TCF12: variants seen among roughly 807,000 people sequenced by gnomAD.
The protein encoded by TCF12 is transcription factor 12, also known as DNA-binding protein HTF4.
TCF12 carries 45 observed loss-of-function variants against 86.0 expected under a neutral mutation model. That is an observed-to-expected ratio of 0.52 (90% CI 0.41 to 0.67). TCF12 has a LOEUF of 0.67. Ranked by LOEUF, TCF12 falls within the 30% of genes least tolerant of loss-of-function variation. The pLI is 0.00. For missense variants in TCF12, 881 were observed against 859.9 expected, an observed-to-expected ratio of 1.02 and a Z score of -0.31; for synonymous variants, 330 against 299.6, an observed-to-expected ratio of 1.10 and a Z score of -1.05.
intron 13 of TCF12, among the ~76,000 whole-genome samples, chr15:57,248,798 G>GT (rs1304731992): frequency 1.3e-5 from 2 of 152,162 alleles, no homozygotes; most frequent in African/African-American, 2.4e-5. Context: ...CCTTTGTACA[G>GT]TTTTTTTAAT....
intron 4 of TCF12, among the ~76,000 whole-genome samples, chr15:57,075,448 G>A (rs1365049297): frequency 2.0e-5 from 3 of 152,052 alleles, no homozygotes; most frequent in Admixed American, 2.0e-4. Context: ...CCTTGTCACT[G>A]AAATTAGTTG....
intron 5 of TCF12, among the ~76,000 whole-genome samples, chr15:57,138,547 CG>C (rs56125441): frequency 0.51 from 11,721 of 22,982 alleles, 643 homozygotes; most frequent in Non-Finnish European, 0.53. Flanking sequence ...CCTATCTAAC[CG>C]AAAGGAAAAG....
At chr15:57,253,642 C>T (rs574845721) in intron 16 of TCF12, among the ~76,000 whole-genome samples, 174 bp downstream of exon 16, 1 of 152,294 alleles carries the variant, frequency 6.6e-6, no homozygotes, top group South Asian at 2.1e-4. Flanking sequence ...TCCATAAAAT[C>T]TTCTTGTGAC....
chr15:57,059,765 A>G (rs1278134829), intron 3 of TCF12, among the ~76,000 whole-genome samples: 1 of 149,782 alleles, frequency 6.7e-6, no homozygotes, highest in Non-Finnish European at 1.5e-5. Flanking sequence ...AGGGAAACAC[A>G]ATAGGTGCTT....
In TCF12 at chr15:56,919,883, C is replaced by G. The variant is rs200014796; in HGVS notation, c.-22-9C>G. The stretch of plus-strand genomic sequence containing the variant: ...TGGTCTCTCGCTGAGCCCGTTTCCT[C>G]TGCCCTAGGACCTGCTAGAAGTGGC... On this transcript the variant is annotated splice_polypyrimidine_tract_variant and intron_variant, in intron 1 of 20. Transcript: ENST00000333725. 63 of 1,613,326 alleles carry G rather than the reference C, an allele frequency of 3.9e-5. 1 individual carries two copies. The Middle Eastern group carries it at 1.2e-3, about 30-fold the overall frequency.
chr15:57,244,519 G>A lies in TCF12; in HGVS notation c.1114+969G>A, dbSNP rs545370500. On this transcript the variant is annotated intron_variant, in intron 13 of 20. Transcript: ENST00000333725. ...CTGTTGCCCAGGCTGGAGTGCAGTG[G>A]CATAATCTCGGCTTACTGCCACCTC... 2.0e-5 allele frequency among the ~76,000 whole-genome samples: 3 copies of A among 152,294 alleles called. No individual in the cohort carries two copies. The South Asian group carries it at 6.2e-4, about 32-fold the overall frequency.
intron 3 of TCF12, among the ~76,000 whole-genome samples, chr15:56,921,316 G>C (rs2059781514): frequency 6.6e-6 from 1 of 151,976 alleles, no homozygotes; most frequent in Non-Finnish European, 1.5e-5. Context: ...TATTTAAAAT[G>C]TTAGTGGGGT....
At chr15:57,077,022 A>C (rs1002458886) in intron 4 of TCF12, among the ~76,000 whole-genome samples, 6 of 152,304 alleles carry the variant, frequency 3.9e-5, no homozygotes, top group African/African-American at 1.2e-4. Context: ...TTATCTTCAC[A>C]CCAATACCAT....
chr15:56,974,013 A>C (rs944962625), intron 3 of TCF12, among the ~76,000 whole-genome samples: 6 of 152,142 alleles, frequency 3.9e-5, no homozygotes, highest in African/African-American at 1.4e-4. Context: ...TTTAGGAATT[A>C]CTCAGATTAA....
chr15:56,952,536 T>C (rs1350826272), intron 3 of TCF12, among the ~76,000 whole-genome samples: 1 of 152,170 alleles, frequency 6.6e-6, no homozygotes, highest in Non-Finnish European at 1.5e-5. Flanking sequence ...GCATTCCATT[T>C]ATTTAGGTTG....
chr15:57,194,048 A>G (rs1468880855), intron 7 of TCF12, among the ~76,000 whole-genome samples: 1 of 152,202 alleles, frequency 6.6e-6, no homozygotes, highest in African/African-American at 2.4e-5. Context: ...TTAGTATGCT[A>G]TGTGAGTATA....
chr15:57,157,910 A>G (rs2054227951), intron 5 of TCF12, among the ~76,000 whole-genome samples: 1 of 152,002 alleles, frequency 6.6e-6, no homozygotes, highest in Admixed American at 6.6e-5. Flanking sequence ...GTATTTATGT[A>G]ATTCTTCCCC....
At chr15:56,928,330 G>A (rs1198537075) in intron 3 of TCF12, among the ~76,000 whole-genome samples, 4 of 151,756 alleles carry the variant, frequency 2.6e-5, no homozygotes, top group African/African-American at 9.7e-5. Flanking sequence ...TAGCATTCTC[G>A]GTAATACTAG....
chr15:57,202,485 G>T (rs2703597), intron 8 of TCF12, among the ~76,000 whole-genome samples: 1 of 137,528 alleles, frequency 7.3e-6, no homozygotes, highest in Non-Finnish European at 1.5e-5. Context: ...TCCCAGGCTA[G>T]CGTGCAGTGG....
intron 5 of TCF12, among the ~76,000 whole-genome samples, chr15:57,154,729 A>G (rs931535758): frequency 6.6e-6 from 1 of 152,192 alleles, no homozygotes; most frequent in Admixed American, 6.5e-5. Flanking sequence ...ATGAAATGAA[A>G]GGCATAAAGA....
In TCF12 at chr15:57,241,772, C is replaced by T. The variant is rs183747685; in HGVS notation, c.1036-1700C>T. 7.8e-3 allele frequency among the ~76,000 whole-genome samples: 1,189 copies of T among 152,184 alleles called. 15 individuals are homozygous for T. Among genetic ancestry groups the T allele is most frequent in the African/African-American group, 0.027 (1,122 of 41,530 alleles). On this transcript the variant is annotated intron_variant, in intron 12 of 20. Coordinates refer to ENST00000333725, the MANE Select transcript of TCF12 (RefSeq NM_207037.2). ...CTTTGGGAGGCCAAGGTGGGAGGGTCATCTGAGGTCAGGAGTTCAAGACCA... is the reference window on the plus strand; with the variant it reads ...CTTTGGGAGGCCAAGGTGGGAGGGTTATCTGAGGTCAGGAGTTCAAGACCA...
At chr15:57,144,814 G>A (rs1243346490) in intron 5 of TCF12, among the ~76,000 whole-genome samples, 1 of 151,926 alleles carries the variant, frequency 6.6e-6, no homozygotes, top group Non-Finnish European at 1.5e-5. Flanking sequence ...GTTGCCTAGG[G>A]TGGTCTTAAA....
chr15:56,981,380 T>G (rs2062882833), intron 3 of TCF12, among the ~76,000 whole-genome samples: 1 of 152,184 alleles, frequency 6.6e-6, no homozygotes, highest in Non-Finnish European at 1.5e-5. Flanking sequence ...GAACGGATGT[T>G]GTGTCTTTAT....
chr15:57,032,184 T>A (rs1298135303), intron 3 of TCF12, among the ~76,000 whole-genome samples: 3 of 152,142 alleles, frequency 2.0e-5, no homozygotes, highest in African/African-American at 7.2e-5. Context: ...TAGCATATTT[T>A]AAAAAGACTT....
Sources: gnomAD v4.1 joint callset for allele counts (sites outside exome capture counted in the v4.1 genomes callset) on GRCh38, gnomAD v4.1.1 for gene constraint, MANE v1.5 for transcripts, NCBI Gene and HGNC (gene_info 2026-07-23, HGNC 2026-07-21) for gene names.